DMRT1: variants seen among roughly 807,000 people sequenced by gnomAD.
The protein encoded by DMRT1 is doublesex- and mab-3-related transcription factor 1.
In DMRT1, 7 loss-of-function variants were observed where a neutral mutation model predicts 32.3. That is an observed-to-expected ratio of 0.22 (90% CI 0.12 to 0.41). The LOEUF (loss-of-function observed/expected upper bound fraction) is 0.41. Ranked by LOEUF, DMRT1 falls within the 10% of genes least tolerant of loss-of-function variation. The probability of loss-of-function intolerance (pLI) is 1.00; values close to 1 mark genes in which losing one functional copy is unlikely to be tolerated. For synonymous variants in DMRT1, 278 were observed against 206.1 expected (o/e 1.35, Z -2.99); for missense variants, 625 against 500.5 (o/e 1.25, Z -2.37).
At chr9:887,332 A>G (rs562585065) in intron 2 of DMRT1, among the ~76,000 whole-genome samples, 6 of 152,204 alleles carry the variant, frequency 3.9e-5, no homozygotes, top group African/African-American at 1.4e-4. Context: ...TGCCTGGAGT[A>G]TTTAAAGCAC....
chr9:890,131 C>A (rs1817087600), intron 2 of DMRT1, among the ~76,000 whole-genome samples: 1 of 147,800 alleles, frequency 6.8e-6, no homozygotes, highest in Admixed American at 6.7e-5. Context: ...CTCTGTCACC[C>A]AGGCTGGAGT....
chr9:863,945 A>G (rs919646572), intron 2 of DMRT1, among the ~76,000 whole-genome samples: 2 of 152,070 alleles, frequency 1.3e-5, no homozygotes, highest in Non-Finnish European at 2.9e-5. Context: ...CCTTTTTGAT[A>G]TGAGGTGCAA....
intron 4 of DMRT1, among the ~76,000 whole-genome samples, chr9:950,749 G>A (rs149053856): frequency 1.1e-3 from 165 of 152,164 alleles, no homozygotes; most frequent in African/African-American, 3.7e-3. Flanking sequence ...TCCTAGCCCC[G>A]ACTCATTAAA....
intron 2 of DMRT1, among the ~76,000 whole-genome samples, chr9:870,100 G>T (rs1231950100): frequency 6.6e-6 from 1 of 152,158 alleles, no homozygotes; most frequent in African/African-American, 2.4e-5. Context: ...TATTCAACAT[G>T]TAAGAAAGAA....
chr9:928,053 G>A (rs1215354242), intron 4 of DMRT1, among the ~76,000 whole-genome samples: 1 of 152,072 alleles, frequency 6.6e-6, no homozygotes, highest in East Asian at 1.9e-4. Flanking sequence ...TCTTTTAGTG[G>A]GTATCAAAAT....
intron 2 of DMRT1, 88 bp from the exon 3 acceptor site, chr9:893,824 G>A (rs1400587448): frequency 1.5e-5 from 19 of 1,247,670 alleles, no homozygotes; most frequent in South Asian, 6.1e-5. Flanking sequence ...ACCTTGCTCC[G>A]CAGGTCTTGG....
intron 2 of DMRT1, among the ~76,000 whole-genome samples, chr9:853,475 A>G: frequency 6.9e-6 from 1 of 144,410 alleles, no homozygotes; most frequent in Admixed American, 6.9e-5. Flanking sequence ...TATTTAATTA[A>G]TTTTTTTTTT....
At chr9:875,269 G>T (rs1816448356) in intron 2 of DMRT1, among the ~76,000 whole-genome samples, 1 of 152,148 alleles carries the variant, frequency 6.6e-6, no homozygotes, top group Non-Finnish European at 1.5e-5. Context: ...AATTGTGGGT[G>T]AGGCTAGTGG....
chr9:880,799 C>T (rs143504687), intron 2 of DMRT1, among the ~76,000 whole-genome samples: 13 of 151,774 alleles, frequency 8.6e-5, no homozygotes, highest in African/African-American at 2.4e-4. Context: ...TAAGGACCAG[C>T]GGCCTTCCCC....
At chr9:875,413 C>G (rs566020525) in intron 2 of DMRT1, among the ~76,000 whole-genome samples, 2 of 152,242 alleles carry the variant, frequency 1.3e-5, no homozygotes, top group South Asian at 4.1e-4. Context: ...GGACCCTCCC[C>G]ACAGAGATTT....
chr9:911,584 C>G (rs1817990107), intron 3 of DMRT1, among the ~76,000 whole-genome samples: 1 of 138,806 alleles, frequency 7.2e-6, no homozygotes, highest in African/African-American at 2.6e-5. Flanking sequence ...CCTCTGCCTC[C>G]TGGGTTCAAG....
chr9:853,056 C>T (rs561544302), intron 2 of DMRT1, among the ~76,000 whole-genome samples: 86 of 152,146 alleles, frequency 5.7e-4, no homozygotes, highest in African/African-American at 1.9e-3. Context: ...GAATTCACAA[C>T]GGAAGATAGT....
chr9:884,845 C>T (rs1816864342), intron 2 of DMRT1, among the ~76,000 whole-genome samples: 1 of 152,150 alleles, frequency 6.6e-6, no homozygotes, highest in Non-Finnish European at 1.5e-5. Flanking sequence ...TGGTGCGCAC[C>T]TGTAATCTCA....
intron 4 of DMRT1, among the ~76,000 whole-genome samples, chr9:929,910 A>G (rs1409680452): frequency 2.0e-5 from 3 of 152,128 alleles, no homozygotes; most frequent in African/African-American, 7.2e-5. Flanking sequence ...GCGTGGCTGC[A>G]GGGATAGTGA....
intron 2 of DMRT1, among the ~76,000 whole-genome samples, chr9:857,070 T>G (rs529541744): frequency 7.9e-5 from 12 of 152,322 alleles, no homozygotes; most frequent in African/African-American, 2.6e-4. Flanking sequence ...ATCCCAGCAC[T>G]TTGGGAGGCC....
At chr9:863,080 T>C (rs1359635717) in intron 2 of DMRT1, among the ~76,000 whole-genome samples, 1 of 143,876 alleles carries the variant, frequency 7.0e-6, no homozygotes. Context: ...TCTGGGAGGC[T>C]GAGGCTGAAG....
At chr9:905,664 G>C (rs991257484) in intron 3 of DMRT1, among the ~76,000 whole-genome samples, 7 of 152,180 alleles carry the variant, frequency 4.6e-5, no homozygotes, top group African/African-American at 1.7e-4. Context: ...GACAGAAGCA[G>C]GTGGACCCGT....
chr9:860,322 A>G (rs540665777), intron 2 of DMRT1, among the ~76,000 whole-genome samples: 2 of 152,174 alleles, frequency 1.3e-5, no homozygotes, highest in Non-Finnish European at 2.9e-5. Flanking sequence ...CATAAAAAGT[A>G]AAATAAAATA....
chr9:921,980 A>T (rs1818368616), intron 4 of DMRT1, among the ~76,000 whole-genome samples: 1 of 152,170 alleles, frequency 6.6e-6, no homozygotes, highest in African/African-American at 2.4e-5. Flanking sequence ...TTCCAGGCTC[A>T]GGTAATCCTC....
Sources: allele counts gnomAD v4.1 joint callset (sites outside exome capture counted in the v4.1 genomes callset), GRCh38; gene constraint gnomAD v4.1.1; transcripts MANE v1.5; gene names NCBI Gene and HGNC (gene_info 2026-07-23, HGNC 2026-07-21).